SOX13: variants seen among roughly 807,000 people sequenced by gnomAD.
SOX13 encodes SRY-box transcription factor 13.
A neutral mutation model predicts 71.8 loss-of-function variants in SOX13; 28 were observed. The observed-to-expected ratio is 0.39, with a 90% CI of 0.29 to 0.53. The LOEUF (loss-of-function observed/expected upper bound fraction) is 0.53, where lower values mean the gene tolerates loss of function less well. Among genes scored for constraint, SOX13 ranks in the 20% least tolerant of loss-of-function variants. SOX13 has a pLI of 0.70. For synonymous variants in SOX13, 309 were observed against 317.8 expected (o/e 0.97, Z 0.29); for missense variants, 627 against 810.3 (o/e 0.77, Z 2.75).
At chr1:204,104,986 T>G (rs1028608201) in intron 1 of SOX13, among the ~76,000 whole-genome samples, 4 of 151,870 alleles carry the variant, frequency 2.6e-5, no homozygotes, top group Non-Finnish European at 4.4e-5. Context: ...AGGGGCTAGG[T>G]TTGTGTGCGC....
Position 204,117,105 on chromosome 1 carries a change from C to T in SOX13, c.592-17C>T, listed in dbSNP as rs374400095. The T allele has an allele frequency of 1.9e-5, 31 of 1,613,516 alleles. No homozygotes were observed. The African/African-American group carries it at 3.9e-4, about 20-fold the overall frequency. On this transcript the variant is annotated splice_polypyrimidine_tract_variant and intron_variant, in intron 5 of 13. Transcript: ENST00000367204. The stretch of plus-strand genomic sequence containing the variant: ...TAATGTCCGTGACCCCCTCTGCCTA[C>T]TCTTTCCCTCTCCCAGATTGCAAAG...
At chr1:204,114,659 G>C (rs1179726834) in intron 4 of SOX13, 54 bp downstream of exon 4, 1 of 1,386,502 alleles carries the variant, frequency 7.2e-7, no homozygotes, top group African/African-American at 1.4e-5. Flanking sequence ...CTCTTCTCCT[G>C]GTCTGGCCAC....
chr1:204,125,810 G>A (rs755545186), intron 13 of SOX13, 48 bp from the exon 14 acceptor site: 27 of 1,575,150 alleles, frequency 1.7e-5, no homozygotes, highest in South Asian at 4.6e-5. Flanking sequence ...TGGGTTTGGG[G>A]TTGAATCAAG....
Position 204,125,858 on chromosome 1 carries a change from C to G in SOX13, c.1593C>G (p.Pro531=), listed in dbSNP as rs745771635. 1.2e-6 allele frequency: 2 copies of G among 1,608,268 alleles called. No homozygotes were observed. Among genetic ancestry groups the G allele is most frequent in the East Asian group, 2.2e-5 (1 of 44,814 alleles). ...ACCGTTCCCCTTCTCTGCCCCACAGCCCGCAGGCTGGCCAGGTGCAGATGA... is the reference window on the plus strand; with the variant it reads ...ACCGTTCCCCTTCTCTGCCCCACAGGCCGCAGGCTGGCCAGGTGCAGATGA... ...RQDARQSYVI[P]PQAGQVQMSS... The change falls in exon 14 of 14, where the codon CCC becomes CCG. Residue 531 remains proline, a splice_region_variant and synonymous_variant. Transcript: ENST00000367204.
Position 204,108,180 on chromosome 1 carries a change from A to G in SOX13, c.-1-4735A>G, listed in dbSNP as rs1436933884. ...AGTATAAAAAGAAATAGGTGAAATG[A>G]ATTTTAATGATGTATTTTATCTAAC... On this transcript the variant is annotated intron_variant, in intron 1 of 13. Coordinates refer to ENST00000367204, the MANE Select transcript of SOX13 (RefSeq NM_005686.3). Among the ~76,000 whole-genome samples, 4 of 152,352 alleles carry G rather than the reference A, an allele frequency of 2.6e-5. No individual in the cohort carries two copies. In the East Asian group the frequency reaches 7.7e-4, roughly 29 times the overall value.
At chr1:204,091,174 A>T (rs773221930) in intron 1 of SOX13, among the ~76,000 whole-genome samples, 3 of 152,116 alleles carry the variant, frequency 2.0e-5, no homozygotes, top group Middle Eastern at 3.2e-3. Flanking sequence ...CTGGTAACTG[A>T]GACAACTTTC....
intron 1 of SOX13, among the ~76,000 whole-genome samples, chr1:204,090,554 G>A (rs1490250423): frequency 6.6e-6 from 1 of 151,922 alleles, no homozygotes; most frequent in Non-Finnish European, 1.5e-5. Context: ...GATTACAGGT[G>A]TGCGCCACCA....
intron 1 of SOX13, among the ~76,000 whole-genome samples, chr1:204,091,925 CTTTCA>C (rs1656153703): frequency 6.6e-6 from 1 of 152,158 alleles, no homozygotes. Flanking sequence ...TCTTTGCTTT[CTTTCA>C]TTTGTTTGTT....
In SOX13 at chr1:204,126,748, G is replaced by A. The variant is rs1281472400; in HGVS notation, c.*614G>A. On this transcript the variant is annotated 3_prime_UTR_variant, in exon 14 of 14. Transcript: ENST00000367204. ...CCACTACGTGCCAGGCACTGTTGCT[G>A]AGTTCCTGTGGGTGTGTCTCTCGAT... 1 of 153,346 alleles carries A rather than the reference G, an allele frequency of 6.5e-6. No homozygotes were observed. The highest frequency in any genetic ancestry group is 1.5e-5 in the Non-Finnish European group (1 of 68,584). The allele number at this position is 153,346 out of a possible 1,614,324, so 9.5% of individuals were successfully genotyped here. A position where few individuals can be genotyped will look rare whatever the true frequency, so the allele number is the denominator to read the frequency against.
In SOX13 at chr1:204,081,113, A is replaced by G. The variant is rs935162805; in HGVS notation, c.-2+7402A>G. 1.3e-5 allele frequency among the ~76,000 whole-genome samples: 2 copies of G among 151,922 alleles called. No individual in the cohort carries two copies. The highest frequency in any genetic ancestry group is 4.8e-5 in the African/African-American group (2 of 41,370). On this transcript the variant is annotated intron_variant, in intron 1 of 13. Coordinates refer to ENST00000367204, the MANE Select transcript of SOX13 (RefSeq NM_005686.3). This position sits in a 1 kb window ranked among gnomAD's most constrained non-coding sequence, Gnocchi z 4.3. ...TTTTTAGTAGAGACGGGATTTCTCC[A>G]TGTTGGTTAGGCTGGTCTCGAACTC...
At chr1:204,085,991 AAG>A (rs1656010322) in intron 1 of SOX13, among the ~76,000 whole-genome samples, 1 of 152,046 alleles carries the variant, frequency 6.6e-6, no homozygotes, top group Non-Finnish European at 1.5e-5. Context: ...AAAGAAAAGA[AAG>A]AATGTAGGAA....
At chr1:204,110,113 T>C (rs1016729650) in intron 1 of SOX13, among the ~76,000 whole-genome samples, 9 of 152,138 alleles carry the variant, frequency 5.9e-5, no homozygotes, top group Non-Finnish European at 1.3e-4. Context: ...ATTACAGGCA[T>C]GAGCCGCCGC....
At chr1:204,080,801 A>T (rs16852773) in intron 1 of SOX13, among the ~76,000 whole-genome samples, 1 of 151,910 alleles carries the variant, frequency 6.6e-6, no homozygotes, top group South Asian at 2.1e-4. Context: ...AGGTTTTCAT[A>T]TAAGTCCACC....
chr1:204,122,172 C>T lies in SOX13; in HGVS notation c.862-65C>T, dbSNP rs984114946. On this transcript the variant is annotated intron_variant, in intron 8 of 13. Transcript: ENST00000367204. ...TCTGGGTATGCTCACCTCACTTCCTCTCTGTCCTGCTGTGGGAGTGTCCTT... is the reference window on the plus strand; with the variant it reads ...TCTGGGTATGCTCACCTCACTTCCTTTCTGTCCTGCTGTGGGAGTGTCCTT... The T allele has an allele frequency of 5.1e-6, 7 of 1,383,254 alleles. No individual in the cohort carries two copies. In the African/African-American group the frequency reaches 8.7e-5, roughly 17 times the overall value. 85.7% of individuals were successfully genotyped at this position (1,383,254 alleles called of 1,614,324 possible).
intron 1 of SOX13, among the ~76,000 whole-genome samples, chr1:204,085,694 T>G (rs11240659): frequency 0.57 from 85,828 of 150,550 alleles, 24,750 homozygotes; most frequent in African/African-American, 0.67. Flanking sequence ...AAAAAAAAGA[T>G]CCAGGCCTGG....
chr1:204,114,942 T>C (rs976594015), intron 4 of SOX13, among the ~76,000 whole-genome samples: 1 of 152,114 alleles, frequency 6.6e-6, no homozygotes, highest in African/African-American at 2.4e-5. Context: ...TAATTAATTC[T>C]AGGTCAGTTG....
intron 1 of SOX13, among the ~76,000 whole-genome samples, chr1:204,112,501 G>A (rs1033308017): frequency 2.2e-4 from 13 of 57,922 alleles, no homozygotes; most frequent in African/African-American, 4.3e-4. Context: ...ACACATGCGT[G>A]CACACACACA....
chr1:204,079,955 C>CA (rs749309172), intron 1 of SOX13, among the ~76,000 whole-genome samples: 70 of 152,302 alleles, frequency 4.6e-4, no homozygotes, highest in Non-Finnish European at 7.6e-4. Flanking sequence ...CCTGGTATCT[C>CA]AGAGTCCTGG....
At chr1:204,109,953 C>T (rs942894710) in intron 1 of SOX13, among the ~76,000 whole-genome samples, 2 of 152,142 alleles carry the variant, frequency 1.3e-5, no homozygotes, top group African/African-American at 4.8e-5. Context: ...CTGCCTCAGC[C>T]TCCTGAGTAG....
Sources: gnomAD v4.1 joint callset for allele counts (sites outside exome capture counted in the v4.1 genomes callset) on GRCh38, gnomAD v4.1.1 for gene constraint, Gnocchi (gnomAD v3.1) non-coding constraint, MANE v1.5 for transcripts, NCBI Gene and HGNC (gene_info 2026-07-23, HGNC 2026-07-21) for gene names.